The following AIMP2 variants were observed in gnomAD, a reference collection of about 807,000 sequenced individuals.
AIMP2 encodes aminoacyl tRNA synthetase complex interacting multifunctional protein 2, also known as aminoacyl tRNA synthase complex-interacting multifunctional protein 2.
A neutral mutation model predicts 23.4 loss-of-function variants in AIMP2; 20 were observed. That is an observed-to-expected ratio of 0.85 (90% CI 0.60 to 1.24). AIMP2 has a LOEUF of 1.24. Ranked by LOEUF, AIMP2 falls within the 50% of genes most tolerant of loss-of-function variation. AIMP2 has a pLI of 0.00. For synonymous variants in AIMP2, 210 were observed against 170.4 expected (o/e 1.23, Z -1.81); for missense variants, 515 against 414.5 (o/e 1.24, Z -2.10).
chr7:6,011,880 G>C (rs988666777), intron 1 of AIMP2, among the ~76,000 whole-genome samples: 27 of 152,268 alleles, frequency 1.8e-4, no homozygotes, highest in Admixed American at 1.8e-3. Flanking sequence ...TTGGGTTTTT[G>C]TGAACTTAGA....
intron 1 of AIMP2, among the ~76,000 whole-genome samples, chr7:6,011,536 G>C (rs1330638733): frequency 6.6e-6 from 1 of 152,206 alleles, no homozygotes; most frequent in African/African-American, 2.4e-5. Flanking sequence ...CACAAGATGG[G>C]TGAATCGGTA....
rs919233554 is a variant in AIMP2 at position 6,023,191 on chromosome 7, C to T, written c.575-112C>T. ...ATGTGATGTTCTTCTTGAAAACACC[C>T]TTTCCCATGTCATCAGTCTGTGGTG... On this transcript the variant is annotated intron_variant, in intron 3 of 3. Transcript: ENST00000223029. The T allele has an allele frequency of 1.0e-5, 13 of 1,277,642 alleles. No individual in the cohort carries two copies. In the African/African-American group the frequency reaches 1.8e-4, roughly 18 times the overall value. 79.1% of individuals were successfully genotyped at this position (1,277,642 alleles called of 1,614,324 possible).
At chr7:6,012,150 G>A (rs573223931) in intron 1 of AIMP2, among the ~76,000 whole-genome samples, 2 of 152,088 alleles carry the variant, frequency 1.3e-5, no homozygotes, top group South Asian at 2.1e-4. Context: ...CTACTCAGGA[G>A]GCTGAGGTGG....
chr7:6,021,898 G>A (rs2128882031), intron 3 of AIMP2, among the ~76,000 whole-genome samples: 1 of 152,220 alleles, frequency 6.6e-6, no homozygotes, highest in South Asian at 2.1e-4. Context: ...GACAAATTAT[G>A]ATGTATTTCC....
At chr7:6,019,216 T>A (rs1047465823) in intron 3 of AIMP2, among the ~76,000 whole-genome samples, 5 of 151,818 alleles carry the variant, frequency 3.3e-5, no homozygotes, top group Admixed American at 2.6e-4. Flanking sequence ...AAATTGCATG[T>A]TGCAGTCAAA....
rs556341861 is a variant in AIMP2, at chr7:6,013,969, A to G, written c.136-1177A>G. Reference sequence around the variant, plus strand: ...CTGTCTCCAGGACAAAAAAAAAAAGACAAGAAAATGATTTGTGGAATTGAT... The same window carrying G: ...CTGTCTCCAGGACAAAAAAAAAAAGGCAAGAAAATGATTTGTGGAATTGAT... On this transcript the variant is annotated intron_variant, in intron 1 of 3. Coordinates refer to ENST00000223029, the MANE Select transcript of AIMP2 (RefSeq NM_006303.4). 5.5e-4 allele frequency among the ~76,000 whole-genome samples: 83 copies of G among 149,786 alleles called. 1 individual carries two copies. Among genetic ancestry groups the G allele is most frequent in the Middle Eastern group, 3.4e-3 (1 of 292 alleles).
intron 1 of AIMP2, chr7:6,013,060 T>G: frequency 8.7e-6 from 7 of 807,984 alleles, no homozygotes; most frequent in Non-Finnish European, 1.0e-5. Context: ...TGTGAAGATC[T>G]GTGGTCAGAG....
chr7:6,009,735 G>T (rs1786421599), intron 1 of AIMP2, among the ~76,000 whole-genome samples: 1 of 151,614 alleles, frequency 6.6e-6, no homozygotes, highest in Admixed American at 6.6e-5. Context: ...CGGATCACCT[G>T]AGGTCAGGAG....
In AIMP2 at chr7:6,009,427, A is replaced by C. The variant is rs764813325; in HGVS notation, c.64A>C (p.Thr22Pro). 1 of 1,611,116 alleles carries C rather than the reference A, an allele frequency of 6.2e-7. No individual in the cohort carries two copies. The highest frequency in any genetic ancestry group is 2.2e-4 in the Middle Eastern group (1 of 4,460). Residue 22 changes from threonine to proline, a missense_variant, in exon 1 of 4, where the codon ACC becomes CCC. Coordinates refer to ENST00000223029, the MANE Select transcript of AIMP2 (RefSeq NM_006303.4). ...CGCGCCTCTCCGTGTGGAGCTTCCC[A>C]CCTGCATGTACCGGCTCCCCAACGT... Reference protein sequence around the residue: ...GGAPLRVELPTCMYRLPNVHG... With the variant: ...GGAPLRVELPPCMYRLPNVHG...
At position 6,021,018 on chromosome 7, in the gene AIMP2, C is replaced by T. The variant is rs117070642; in HGVS notation, c.575-2285C>T. On this transcript the variant is annotated intron_variant, in intron 3 of 3. Transcript: ENST00000223029. ...TTTTCTGGATTAATTCCATTGATGC[C>T]TTGTCCTTGAAGTCAGGATGTACCT... 2.8e-3 allele frequency among the ~76,000 whole-genome samples: 431 copies of T among 152,254 alleles called. 3 individuals are homozygous for T. The highest frequency in any genetic ancestry group is 5.0e-3 in the Non-Finnish European group (338 of 68,028).
At chr7:6,009,974 A>AAAAAAAAAATATATAT in intron 1 of AIMP2, among the ~76,000 whole-genome samples, 2 of 26,672 alleles carry the variant, frequency 7.5e-5, no homozygotes, top group Non-Finnish European at 1.4e-4. Context: ...AAAAAAAAAA[A>AAAAAAAAAATATATAT]ATATATATAT....
chr7:6,015,406 G>A lies in AIMP2; in HGVS notation c.342+54G>A, dbSNP rs186004008. 8.6e-4 allele frequency: 1,360 copies of A among 1,575,878 alleles called. 26 individuals carry two copies. The South Asian group carries it at 0.013, about 15-fold the overall frequency. ...AGTAGGTACTGAGTGGTTAGTGCAG[G>A]GAAATTGTGCTGCTGTGATTAAAGC... On this transcript the variant is annotated intron_variant, in intron 2 of 3. Coordinates refer to ENST00000223029, the MANE Select transcript of AIMP2 (RefSeq NM_006303.4).
chr7:6,009,968 A>ATATATATATATATATAT (rs1289301847), intron 1 of AIMP2, among the ~76,000 whole-genome samples: 4 of 36,706 alleles, frequency 1.1e-4, no homozygotes, highest in Admixed American at 2.4e-4. Flanking sequence ...AAAAAAAAAA[A>ATATATATATATATATAT]AAAAAAATAT....
chr7:6,015,596 C>T (rs1414854534), intron 2 of AIMP2, among the ~76,000 whole-genome samples: 5 of 152,186 alleles, frequency 3.3e-5, no homozygotes, highest in Admixed American at 3.3e-4. Flanking sequence ...TGGTGGCGGG[C>T]ACCTGTAGTC....
rs145891242 is a variant in AIMP2 at position 6,009,406 on chromosome 7, C to G, written c.43C>G (p.Pro15Ala). 1.1e-4 allele frequency: 178 copies of G among 1,611,614 alleles called. No homozygotes were observed. Among genetic ancestry groups the G allele is most frequent in the Middle Eastern group, 4.5e-4 (2 of 4,454 alleles). ...AAAGCCCTATCACGGGGGCGGCGCG[C>G]CTCTCCGTGTGGAGCTTCCCACCTG... is the stretch of plus-strand genomic sequence containing the variant. ...QVKPYHGGGA[P>A]LRVELPTCMY... Residue 15 changes from proline (P) to alanine (A), a missense_variant, in exon 1 of 4, where the codon CCT (proline) becomes GCT (alanine). Physicochemically the swap from Pro to Ala is conservative, Grantham distance 27. Transcript: ENST00000223029.
chr7:6,009,974 A>AAAAAAAAAATATATATAT, intron 1 of AIMP2, among the ~76,000 whole-genome samples: 12 of 26,646 alleles, frequency 4.5e-4, no homozygotes, highest in Admixed American at 8.2e-4. Flanking sequence ...AAAAAAAAAA[A>AAAAAAAAAATATATATAT]ATATATATAT....
chr7:6,021,516 ACAAT>A (rs1381178064), intron 3 of AIMP2, among the ~76,000 whole-genome samples: 2 of 152,130 alleles, frequency 1.3e-5, no homozygotes, highest in Non-Finnish European at 1.5e-5. Flanking sequence ...AGGATTTACG[ACAAT>A]CAAGGAAACC....
At chr7:6,014,560 T>C (rs1268002668) in intron 1 of AIMP2, among the ~76,000 whole-genome samples, 1 of 151,688 alleles carries the variant, frequency 6.6e-6, no homozygotes, top group Non-Finnish European at 1.5e-5. Context: ...GCACCTGGCC[T>C]TGTTTTAAGC....
intron 1 of AIMP2, among the ~76,000 whole-genome samples, chr7:6,011,278 C>A (rs75285243): frequency 0.025 from 3,787 of 152,282 alleles, 88 homozygotes; most frequent in Middle Eastern, 0.13. Flanking sequence ...GCTCGCTCAC[C>A]GCTCACCAGC....
Sources: allele counts gnomAD v4.1 joint callset (sites outside exome capture counted in the v4.1 genomes callset), GRCh38; gene constraint gnomAD v4.1.1; transcripts MANE v1.5; gene names NCBI Gene and HGNC (gene_info 2026-07-23, HGNC 2026-07-21).